The following EYA3 variants were observed in gnomAD, a reference collection of about 807,000 sequenced individuals.
EYA3 encodes the protein EYA transcriptional coactivator and phosphatase 3, also known as protein phosphatase EYA3.
EYA3 carries 39 observed loss-of-function variants against 80.0 expected under a neutral mutation model. That is an observed-to-expected ratio of 0.49 (90% confidence interval 0.38 to 0.64). The LOEUF (loss-of-function observed/expected upper bound fraction) is 0.64. EYA3 is among the 30% of genes least tolerant of loss of function. The probability of loss-of-function intolerance (pLI) is 0.00; values close to 1 mark genes in which losing one functional copy is unlikely to be tolerated. For missense variants in EYA3, 523 were observed against 676.1 expected, an observed-to-expected ratio of 0.77 and a Z score of 2.51; for synonymous variants, 206 against 232.8, an observed-to-expected ratio of 0.88 and a Z score of 1.05.
chr1:28,003,277 AACAAC>A (rs1557551996), intron 11 of EYA3, among the ~76,000 whole-genome samples: 16 of 67,476 alleles, frequency 2.4e-4, no homozygotes, highest in African/African-American at 8.9e-4. Context: ...CTCAAACAAC[AACAAC>A]AACAACAACA....
intron 14 of EYA3, among the ~76,000 whole-genome samples, chr1:27,990,850 ATT>A (rs113205149): frequency 2.1e-5 from 3 of 140,088 alleles, no homozygotes; most frequent in Admixed American, 7.2e-5. Context: ...CGTGCCTGGC[ATT>A]TTTTTTTTTT....
intron 3 of EYA3, among the ~76,000 whole-genome samples, chr1:28,043,613 G>A (rs1167581942): frequency 1.3e-5 from 2 of 152,076 alleles, no homozygotes; most frequent in South Asian, 2.1e-4. Context: ...TGAGGCGGGC[G>A]GATCACTTGA....
chr1:27,976,190 T>A (rs1473227907), intron 17 of EYA3, among the ~76,000 whole-genome samples: 3 of 152,054 alleles, frequency 2.0e-5, no homozygotes, highest in Non-Finnish European at 4.4e-5. Flanking sequence ...CCAGGTGCAG[T>A]GGCTCATGCC....
intron 1 of EYA3, among the ~76,000 whole-genome samples, chr1:28,066,544 T>C (rs1157202151): frequency 6.6e-6 from 1 of 152,012 alleles, no homozygotes; most frequent in African/African-American, 2.4e-5. Flanking sequence ...CATCAACATA[T>C]GCTGTAAGTA....
rs150334147 is a variant in EYA3, at chr1:28,014,353, G to C, written c.586-1059C>G. 3.3e-3 allele frequency among the ~76,000 whole-genome samples: 486 copies of C among 149,426 alleles called. 7 individuals carry two copies. Among genetic ancestry groups the C allele is most frequent in the African/African-American group, 0.012 (470 of 40,200 alleles). On this transcript the variant is annotated intron_variant, in intron 8 of 17. Coordinates refer to ENST00000373871, the MANE Select transcript of EYA3 (RefSeq NM_001990.4). ...AGATGGGAGGATAACTTGAGCCCAGGGGGCAAAGGTTGCAATGAACCAAGA... is the reference window on the plus strand; with the variant it reads ...AGATGGGAGGATAACTTGAGCCCAGCGGGCAAAGGTTGCAATGAACCAAGA...
chr1:27,978,756 G>C (rs919962454), intron 16 of EYA3, among the ~76,000 whole-genome samples: 1 of 152,222 alleles, frequency 6.6e-6, no homozygotes, highest in African/African-American at 2.4e-5. Context: ...CTGAGGTCGG[G>C]AATTTGAGAC....
intron 1 of EYA3, among the ~76,000 whole-genome samples, chr1:28,085,021 T>A (rs140459511): frequency 2.8e-4 from 43 of 152,286 alleles, no homozygotes; most frequent in Non-Finnish European, 4.9e-4. Context: ...AGAAGTTCCA[T>A]GAGGCTTTTA....
rs572900068 is a variant in EYA3 at position 27,980,066 on chromosome 1, G to C, written c.1541-1592C>G. On this transcript the variant is annotated intron_variant, in intron 16 of 17. Coordinates refer to ENST00000373871, the MANE Select transcript of EYA3 (RefSeq NM_001990.4). ...CAAGGCTTGGCTTAGGTGCACTTGG[G>C]TCTCTTTTAGTGCTAATATTTTACA... Among the ~76,000 whole-genome samples, 65 of 152,234 alleles carry C rather than the reference G, an allele frequency of 4.3e-4. 1 individual carries two copies. The highest frequency in any genetic ancestry group is 1.5e-3 in the African/African-American group (63 of 41,536).
At chr1:28,047,400 G>A (rs1644051962) in intron 3 of EYA3, among the ~76,000 whole-genome samples, 1 of 152,108 alleles carries the variant, frequency 6.6e-6, no homozygotes, top group Non-Finnish European at 1.5e-5. Context: ...GATGACAGAT[G>A]ATTTAATTGA....
chr1:28,030,396 G>C (rs1248461010), intron 6 of EYA3, among the ~76,000 whole-genome samples: 1 of 152,128 alleles, frequency 6.6e-6, no homozygotes, highest in Non-Finnish European at 1.5e-5. Context: ...GGGATCAAGG[G>C]ATCCTCCTGC....
At chr1:28,078,227 C>T (rs941766839) in intron 1 of EYA3, among the ~76,000 whole-genome samples, 1 of 152,160 alleles carries the variant, frequency 6.6e-6, no homozygotes, top group African/African-American at 2.4e-5. Context: ...GATTACGGCC[C>T]AAATAACAAG....
intron 7 of EYA3, among the ~76,000 whole-genome samples, chr1:28,026,770 AAAG>A (rs1642812815): frequency 1.3e-5 from 2 of 151,964 alleles, no homozygotes; most frequent in African/African-American, 2.4e-5. Flanking sequence ...GAAAAAAAAA[AAAG>A]AAGAGGAAAC....
intron 17 of EYA3, among the ~76,000 whole-genome samples, chr1:27,977,667 G>A (rs1210293646): frequency 6.6e-6 from 1 of 151,894 alleles, no homozygotes; most frequent in Non-Finnish European, 1.5e-5. Context: ...TGGCCAATAC[G>A]GGAAACCCCG....
At chr1:27,998,997 G>A (rs764205618) in intron 12 of EYA3, among the ~76,000 whole-genome samples, 3 of 152,154 alleles carry the variant, frequency 2.0e-5, no homozygotes, top group Non-Finnish European at 4.4e-5. Context: ...TCGAACTCCT[G>A]ACCTCAAGTG....
At position 28,004,439 on chromosome 1, in the gene EYA3, A is replaced by C. The variant is rs779098452; in HGVS notation, c.910-20T>G. On this transcript the variant is annotated intron_variant, in intron 10 of 17. Coordinates refer to ENST00000373871, the MANE Select transcript of EYA3 (RefSeq NM_001990.4). Reference sequence around the variant, plus strand: ...TACCCGCTGAGGAAAGAAAATATAAAAAATGAGTATATTTTCCAATTACAA... The same window carrying C: ...TACCCGCTGAGGAAAGAAAATATAACAAATGAGTATATTTTCCAATTACAA... 1 of 1,568,124 alleles carries C rather than the reference A, an allele frequency of 6.4e-7. No individual in the cohort carries two copies. Among genetic ancestry groups the C allele is most frequent in the Admixed American group, 1.7e-5 (1 of 59,046 alleles).
intron 2 of EYA3, among the ~76,000 whole-genome samples, chr1:28,049,843 T>C (rs952625938): frequency 1.3e-5 from 2 of 152,228 alleles, no homozygotes; most frequent in Non-Finnish European, 2.9e-5. Flanking sequence ...TTATAAAATG[T>C]TCTGCCCTTC....
At chr1:28,028,605 T>C (rs1048082112) in intron 6 of EYA3, among the ~76,000 whole-genome samples, 1 of 150,882 alleles carries the variant, frequency 6.6e-6, no homozygotes, top group Non-Finnish European at 1.5e-5. Flanking sequence ...TTAAATAAGA[T>C]AGGGTTTTGC....
chr1:28,082,339 CT>C (rs1645458949), intron 1 of EYA3, among the ~76,000 whole-genome samples: 1 of 152,032 alleles, frequency 6.6e-6, no homozygotes, highest in Non-Finnish European at 1.5e-5. Context: ...ATAAAATAAT[CT>C]CCTTCCCCCA....
At chr1:28,070,371 C>A (rs143832447) in intron 1 of EYA3, among the ~76,000 whole-genome samples, 6 of 151,978 alleles carry the variant, frequency 3.9e-5, no homozygotes, top group African/African-American at 1.5e-4. Context: ...ACCAGCCTGG[C>A]CAACATGGTG....
Sources: gnomAD v4.1 joint callset for allele counts (sites outside exome capture counted in the v4.1 genomes callset) on GRCh38, gnomAD v4.1.1 for gene constraint, MANE v1.5 for transcripts, NCBI Gene and HGNC (gene_info 2026-07-23, HGNC 2026-07-21) for gene names.